RABGAP1L: variants seen among roughly 807,000 people sequenced by gnomAD.
The protein encoded by RABGAP1L is RAB GTPase activating protein 1 like.
A neutral mutation model predicts 137.7 loss-of-function variants in RABGAP1L; 63 were observed. The ratio of observed to expected loss-of-function variants is 0.46; its 90% CI spans 0.37 to 0.56. RABGAP1L has a LOEUF of 0.56. RABGAP1L is among the 20% of genes least tolerant of loss of function. RABGAP1L has a pLI of 0.00. For missense variants in RABGAP1L, 1,095 were observed against 1,244.0 expected (o/e 0.88, Z 1.80); for synonymous variants, 431 against 433.7 (o/e 0.99, Z 0.08).
At chr1:174,773,989 A>T (rs1686324121) in intron 18 of RABGAP1L, among the ~76,000 whole-genome samples, 1 of 152,198 alleles carries the variant, frequency 6.6e-6, no homozygotes. Context: ...AAATAGACTA[A>T]TTTTGTCCAT....
At chr1:174,421,795 G>A (rs1651327720) in intron 13 of RABGAP1L, among the ~76,000 whole-genome samples, 1 of 152,170 alleles carries the variant, frequency 6.6e-6, no homozygotes, top group South Asian at 2.1e-4. Flanking sequence ...TTGAGACGGA[G>A]TCTCACTCTG....
At chr1:174,429,712 C>A (rs192511237) in intron 13 of RABGAP1L, among the ~76,000 whole-genome samples, 1 of 150,008 alleles carries the variant, frequency 6.7e-6, no homozygotes, top group African/African-American at 2.5e-5. Flanking sequence ...GCACTCCAGC[C>A]GGGGTGACAA....
intron 1 of RABGAP1L, among the ~76,000 whole-genome samples, chr1:174,170,488 C>T (rs1665267641): frequency 6.6e-6 from 1 of 151,670 alleles, no homozygotes; most frequent in Non-Finnish European, 1.5e-5. Flanking sequence ...CCATCCTGGC[C>T]ACATGGTGAA....
intron 13 of RABGAP1L, among the ~76,000 whole-genome samples, chr1:174,498,283 T>C (rs1490535943): frequency 6.6e-6 from 1 of 152,166 alleles, no homozygotes; most frequent in Non-Finnish European, 1.5e-5. Context: ...TCCATAAATA[T>C]TAACCATACG....
intron 13 of RABGAP1L, among the ~76,000 whole-genome samples, chr1:174,428,931 A>C (rs1652274863): frequency 2.0e-5 from 3 of 152,252 alleles, no homozygotes; most frequent in African/African-American, 7.2e-5. Context: ...TCCAGAAAAT[A>C]AATTACTGCT....
At chr1:174,377,684 C>A (rs1685670434) in intron 12 of RABGAP1L, among the ~76,000 whole-genome samples, 1 of 151,308 alleles carries the variant, frequency 6.6e-6, no homozygotes, top group South Asian at 2.1e-4. Flanking sequence ...CGATGTCAAT[C>A]ATTACAAAGA....
intron 14 of RABGAP1L, among the ~76,000 whole-genome samples, chr1:174,674,277 C>T (rs1677419266): frequency 7.1e-6 from 1 of 140,760 alleles, no homozygotes; most frequent in African/African-American, 2.7e-5. Context: ...TGTGATGTTC[C>T]CCTTCCTGTG....
chr1:174,765,906 G>A (rs1235392405), intron 18 of RABGAP1L, among the ~76,000 whole-genome samples: 3 of 152,104 alleles, frequency 2.0e-5, no homozygotes, highest in Non-Finnish European at 4.4e-5. Flanking sequence ...ATGTAAGGCA[G>A]GGCATTATGG....
intron 13 of RABGAP1L, among the ~76,000 whole-genome samples, chr1:174,568,148 A>T (rs539361531): frequency 1.3e-5 from 2 of 152,172 alleles, no homozygotes; most frequent in East Asian, 3.9e-4. Context: ...GAGCCAGCGC[A>T]TCACATGATG....
intron 13 of RABGAP1L, among the ~76,000 whole-genome samples, chr1:174,498,228 A>G (rs1388021917): frequency 1.3e-5 from 2 of 152,184 alleles, no homozygotes; most frequent in African/African-American, 2.4e-5. Flanking sequence ...ATATGAATGT[A>G]TATGTAAACC....
chr1:174,378,721 TC>T (rs1473490093), intron 12 of RABGAP1L, among the ~76,000 whole-genome samples: 2 of 151,288 alleles, frequency 1.3e-5, no homozygotes, highest in Non-Finnish European at 2.9e-5. Flanking sequence ...GAAAATTTTC[TC>T]CCATTTTGTA....
At chr1:174,687,925 T>G (rs908012650) in intron 15 of RABGAP1L, among the ~76,000 whole-genome samples, 1 of 152,216 alleles carries the variant, frequency 6.6e-6, no homozygotes, top group Non-Finnish European at 1.5e-5. Flanking sequence ...AATAAATAAT[T>G]AGCCTCTCCT....
chr1:174,286,146 G>A (rs1206394219), intron 10 of RABGAP1L, among the ~76,000 whole-genome samples: 4 of 152,116 alleles, frequency 2.6e-5, no homozygotes, highest in South Asian at 2.1e-4. Flanking sequence ...AATTTGTGAA[G>A]GATTGGCATT....
At chr1:174,920,883 G>T (rs530726884) in intron 19 of RABGAP1L, among the ~76,000 whole-genome samples, 3 of 152,266 alleles carry the variant, frequency 2.0e-5, no homozygotes, top group East Asian at 3.9e-4. Context: ...TGTTAGGAAA[G>T]AAATTTCTAT....
chr1:174,921,152 T>TG (rs1234596289), intron 19 of RABGAP1L, among the ~76,000 whole-genome samples: 1 of 152,174 alleles, frequency 6.6e-6, no homozygotes, highest in Admixed American at 6.6e-5. Flanking sequence ...CTCAAACTCC[T>TG]GACCTTGTGA....
chr1:174,190,187 C>A (rs1667109195), intron 1 of RABGAP1L, among the ~76,000 whole-genome samples: 1 of 151,738 alleles, frequency 6.6e-6, no homozygotes, highest in South Asian at 2.1e-4. Context: ...CCTGTAGTCC[C>A]AGCTACTTGG....
chr1:174,232,453 C>G lies in RABGAP1L; in HGVS notation c.542+1098C>G, dbSNP rs377387819. Among the ~76,000 whole-genome samples, 6 of 149,938 alleles carry G rather than the reference C, an allele frequency of 4.0e-5. No individual in the cohort carries two copies. The East Asian group carries it at 1.2e-3, about 30-fold the overall frequency. ...TGAGCCGAGATCATGCCACTGCACT[C>G]CAGTCTGGGTGACAGAGACCCCCAT... On this transcript the variant is annotated intron_variant, in intron 4 of 25. Coordinates refer to ENST00000681986, the MANE Select transcript of RABGAP1L (RefSeq NM_001366446.1).
chr1:174,280,048 G>GGA (rs59262212), intron 10 of RABGAP1L, among the ~76,000 whole-genome samples: 33,562 of 125,006 alleles, frequency 0.27, 5,146 homozygotes, highest in East Asian at 0.46. Context: ...CTGTCTGCCT[G>GGA]GAGAGAGAGA....
In RABGAP1L at chr1:174,203,247, A is replaced by G. The variant is rs115768025; in HGVS notation, c.-33-15878A>G. On this transcript the variant is annotated intron_variant, in intron 1 of 25. Transcript: ENST00000681986. ...TGGCTAGCCAGTTTATCCCATCACT[A>G]TTTATTGAATAGGGAGTCTTTTCCC... Among the ~76,000 whole-genome samples, 589 of 152,120 alleles carry G rather than the reference A, an allele frequency of 3.9e-3. 6 individuals are homozygous for G. The highest frequency in any genetic ancestry group is 0.014 in the African/African-American group (571 of 41,502).
Sources: gnomAD v4.1 joint callset for allele counts (sites outside exome capture counted in the v4.1 genomes callset) on GRCh38, gnomAD v4.1.1 for gene constraint, MANE v1.5 for transcripts, NCBI Gene and HGNC (gene_info 2026-07-23, HGNC 2026-07-21) for gene names.